The following PLCB1 variants were observed in gnomAD, a reference collection of about 807,000 sequenced individuals.
The protein encoded by PLCB1 is 1-phosphatidylinositol 4,5-bisphosphate phosphodiesterase beta-1.
In PLCB1, 46 loss-of-function variants were observed where a neutral mutation model predicts 161.8. That is an observed-to-expected ratio of 0.28 (90% CI 0.22 to 0.36). The LOEUF (loss-of-function observed/expected upper bound fraction) is 0.36. Ranked by LOEUF, PLCB1 falls within the 10% of genes least tolerant of loss-of-function variation. The pLI is 1.00. For synonymous variants in PLCB1, 517 were observed against 503.7 expected (o/e 1.03, Z -0.35); for missense variants, 1,016 against 1,472.5 (o/e 0.69, Z 5.07).
intron 3 of PLCB1, among the ~76,000 whole-genome samples, chr20:8,547,285 A>T (rs949776132): frequency 2.6e-5 from 4 of 152,192 alleles, no homozygotes; most frequent in African/African-American, 9.7e-5. Flanking sequence ...CTGTTTTTTT[A>T]AATAAACAAT....
chr20:8,717,491 A>G (rs767819228), intron 13 of PLCB1, among the ~76,000 whole-genome samples, 180 bp from the exon 14 acceptor site: 9 of 152,204 alleles, frequency 5.9e-5, no homozygotes, highest in Non-Finnish European at 1.0e-4. Context: ...TAATGAAAAT[A>G]TATCTTTGAT....
intron 24 of PLCB1, among the ~76,000 whole-genome samples, chr20:8,760,055 G>A (rs984136146): frequency 2.0e-5 from 3 of 151,700 alleles, no homozygotes; most frequent in Admixed American, 6.6e-5. Flanking sequence ...ACAAGTACCC[G>A]CCACCATGCT....
At chr20:8,312,246 C>T (rs575499971) in intron 2 of PLCB1, among the ~76,000 whole-genome samples, 18 of 152,116 alleles carry the variant, frequency 1.2e-4, no homozygotes, top group Non-Finnish European at 2.2e-4. Context: ...CGCCTCCTCA[C>T]GTCCGCTTCT....
At chr20:8,801,956 A>G (rs1296239919) in intron 31 of PLCB1, 1 of 772,694 alleles carries the variant, frequency 1.3e-6, no homozygotes, top group African/African-American at 1.7e-5. Context: ...TCTAGAAGGC[A>G]CTCCAAGAGA....
At chr20:8,664,915 G>A (rs937627304) in intron 9 of PLCB1, among the ~76,000 whole-genome samples, 1 of 152,026 alleles carries the variant, frequency 6.6e-6, no homozygotes, top group Non-Finnish European at 1.5e-5. Context: ...GCATGGCTTC[G>A]GTCACTCAAG....
intron 3 of PLCB1, among the ~76,000 whole-genome samples, chr20:8,415,117 G>A (rs1224811864): frequency 2.0e-5 from 3 of 152,194 alleles, no homozygotes; most frequent in African/African-American, 4.8e-5. Context: ...TGATGCAATA[G>A]GGTGAGTCAT....
At chr20:8,135,468 A>C (rs746216675) in intron 1 of PLCB1, among the ~76,000 whole-genome samples, 1 of 152,152 alleles carries the variant, frequency 6.6e-6, no homozygotes, top group Non-Finnish European at 1.5e-5. Context: ...TGGATGCTCT[A>C]AGGGTGGTAG....
At chr20:8,802,362 A>C in intron 31 of PLCB1, 1 of 521,060 alleles carries the variant, frequency 1.9e-6, no homozygotes, top group South Asian at 3.2e-5. Flanking sequence ...CTCTGGTATT[A>C]ATTTCTCCAT....
intron 3 of PLCB1, among the ~76,000 whole-genome samples, chr20:8,521,520 A>G (rs534885389): frequency 1.3e-5 from 2 of 152,216 alleles, no homozygotes; most frequent in African/African-American, 4.8e-5. Context: ...CCTGGGCAAC[A>G]TGGAGAAAAC....
rs746314670 is a variant in PLCB1, at chr20:8,757,122, C to T, written c.2600C>T (p.Thr867Ile). 10 of 1,613,420 alleles carry T rather than the reference C, an allele frequency of 6.2e-6. No individual in the cohort carries two copies. The highest frequency in any genetic ancestry group is 1.3e-5 in the African/African-American group (1 of 74,904). Residue 867 changes from threonine (T) to isoleucine (I), a missense_variant, in exon 24 of 32, where the codon ACT (threonine) becomes ATT (isoleucine). Transcript: ENST00000338037. ...TTPAENGVNH[T>I]TTLTPKPPSQ... Reference sequence around the variant, plus strand: ...CCAGCAGAAAATGGGGTGAATCACACTACAACCCTGACACCCAAGCCACCC... The same window carrying T: ...CCAGCAGAAAATGGGGTGAATCACATTACAACCCTGACACCCAAGCCACCC...
At chr20:8,321,828 G>C (rs1347393823) in intron 2 of PLCB1, among the ~76,000 whole-genome samples, 1 of 152,160 alleles carries the variant, frequency 6.6e-6, no homozygotes, top group Non-Finnish European at 1.5e-5. Flanking sequence ...CGACATGTCA[G>C]TGTCCCCTCG....
At chr20:8,828,883 A>T (rs1399405522) in intron 31 of PLCB1, among the ~76,000 whole-genome samples, 2 of 152,192 alleles carry the variant, frequency 1.3e-5, no homozygotes, top group African/African-American at 4.8e-5. Flanking sequence ...GGCCCAGTGG[A>T]ATTAATGTTC....
At chr20:8,257,691 G>A (rs1397215757) in intron 2 of PLCB1, among the ~76,000 whole-genome samples, 1 of 152,178 alleles carries the variant, frequency 6.6e-6, no homozygotes. Flanking sequence ...ATGCCTGGTA[G>A]GCAATAAATG....
At chr20:8,463,585 G>T (rs1981685059) in intron 3 of PLCB1, among the ~76,000 whole-genome samples, 1 of 152,062 alleles carries the variant, frequency 6.6e-6, no homozygotes, top group Non-Finnish European at 1.5e-5. Flanking sequence ...AGTTACTACA[G>T]CCATTTTTCA....
chr20:8,423,705 CAAGT>C (rs1002800736), intron 3 of PLCB1, among the ~76,000 whole-genome samples: 6 of 152,096 alleles, frequency 3.9e-5, no homozygotes, highest in African/African-American at 1.4e-4. Flanking sequence ...GATAATAAAT[CAAGT>C]AAGATTAAGC....
intron 3 of PLCB1, among the ~76,000 whole-genome samples, chr20:8,599,416 T>G (rs1441112880): frequency 6.7e-6 from 1 of 148,206 alleles, no homozygotes; most frequent in African/African-American, 2.6e-5. Context: ...TTAAGAATGT[T>G]GAATATTGGC....
chr20:8,478,374 A>G (rs1458123494), intron 3 of PLCB1, among the ~76,000 whole-genome samples: 1 of 152,230 alleles, frequency 6.6e-6, no homozygotes, highest in Non-Finnish European at 1.5e-5. Context: ...CTGAGCAGAA[A>G]AAAAAAATTA....
intron 27 of PLCB1, among the ~76,000 whole-genome samples, chr20:8,783,040 C>T (rs1983315742): frequency 1.3e-5 from 2 of 152,148 alleles, no homozygotes; most frequent in African/African-American, 4.8e-5. Flanking sequence ...TGAGAACAAG[C>T]GTGAAGTTTT....
intron 3 of PLCB1, among the ~76,000 whole-genome samples, chr20:8,465,398 A>G (rs939666480): frequency 6.6e-6 from 1 of 152,064 alleles, no homozygotes; most frequent in Admixed American, 6.6e-5. Flanking sequence ...TTAGTGCTCA[A>G]TTCATCAGGC....
Sources: gnomAD v4.1 joint callset for allele counts (sites outside exome capture counted in the v4.1 genomes callset) on GRCh38, gnomAD v4.1.1 for gene constraint, MANE v1.5 for transcripts, NCBI Gene and HGNC (gene_info 2026-07-23, HGNC 2026-07-21) for gene names.